PPARGC1A: variants seen among roughly 807,000 people sequenced by gnomAD.
The protein encoded by PPARGC1A is PPARG coactivator 1 alpha, also known as peroxisome proliferator-activated receptor gamma coactivator 1-alpha.
In PPARGC1A, 25 loss-of-function variants were observed where a neutral mutation model predicts 88.7. The ratio of observed to expected loss-of-function variants is 0.28; its 90% confidence interval spans 0.21 to 0.39. The LOEUF (loss-of-function observed/expected upper bound fraction) is 0.39, where lower values mean the gene tolerates loss of function less well. PPARGC1A is among the 10% of genes least tolerant of loss of function. The pLI is 1.00. For missense variants in PPARGC1A, 880 were observed against 968.7 expected (o/e 0.91, Z 1.22); for synonymous variants, 363 against 355.6 (o/e 1.02, Z -0.24).
chr4:24,106,278 C>CT, the PPARGC1A span, among the ~76,000 whole-genome samples: 4 of 152,156 alleles, frequency 2.6e-5, no homozygotes, highest in African/African-American at 9.7e-5. Flanking sequence ...ATTTCCCAGT[C>CT]TTTTTTTCTT....
chr4:24,455,179 C>A, the PPARGC1A span, among the ~76,000 whole-genome samples: 2 of 152,206 alleles, frequency 1.3e-5, no homozygotes, highest in Admixed American at 6.5e-5. Flanking sequence ...CTCTTACCAG[C>A]CATCATTAAA....
At chr4:24,302,655 A>G in the PPARGC1A span, among the ~76,000 whole-genome samples, 4 of 152,192 alleles carry the variant, frequency 2.6e-5, no homozygotes, top group Admixed American at 2.0e-4. Flanking sequence ...TCACTTAGCG[A>G]GTCAGGGGCC....
At chr4:23,854,882 G>T (rs1272190774) in intron 2 of PPARGC1A, among the ~76,000 whole-genome samples, 2 of 152,108 alleles carry the variant, frequency 1.3e-5, no homozygotes, top group African/African-American at 4.8e-5. Flanking sequence ...ATATAAACTA[G>T]GTTGAAATAC....
chr4:23,860,598 T>A (rs766115370), intron 2 of PPARGC1A, among the ~76,000 whole-genome samples: 2 of 152,202 alleles, frequency 1.3e-5, no homozygotes, highest in African/African-American at 4.8e-5. Context: ...AATAATGCTA[T>A]TTAAAATAAG....
the PPARGC1A span, among the ~76,000 whole-genome samples, chr4:24,265,305 T>C: frequency 2.0e-5 from 3 of 152,302 alleles, no homozygotes; most frequent in East Asian, 5.8e-4. Context: ...TTCTCCTTCT[T>C]TTCCTATAAA....
At chr4:24,270,053 A>G in the PPARGC1A span, among the ~76,000 whole-genome samples, 4 of 152,316 alleles carry the variant, frequency 2.6e-5, no homozygotes, top group East Asian at 1.9e-4. Flanking sequence ...CAGTAGACTG[A>G]GTACAGCGTA....
the PPARGC1A span, among the ~76,000 whole-genome samples, chr4:24,411,375 T>G: frequency 1.3e-5 from 2 of 152,232 alleles, no homozygotes; most frequent in Admixed American, 1.3e-4. Flanking sequence ...ATTTTAGAGA[T>G]GTTTTAGGGT....
At chr4:23,853,502 A>T (rs1248625391) in intron 2 of PPARGC1A, among the ~76,000 whole-genome samples, 1 of 152,176 alleles carries the variant, frequency 6.6e-6, no homozygotes, top group Non-Finnish European at 1.5e-5. Flanking sequence ...AGGAATCTCA[A>T]ATTTGGAGAT....
chr4:23,968,769 G>T, the PPARGC1A span, among the ~76,000 whole-genome samples: 1 of 151,998 alleles, frequency 6.6e-6, no homozygotes, highest in African/African-American at 2.4e-5. Flanking sequence ...ACAAAAATTA[G>T]CTGGGTGTGG....
upstream of PPARGC1A, among the ~76,000 whole-genome samples, chr4:23,903,617 A>T (rs770379698): frequency 6.6e-6 from 1 of 152,178 alleles, no homozygotes; most frequent in Non-Finnish European, 1.5e-5. Flanking sequence ...AAGGAGCTAC[A>T]TTTAAAAAGC....
the PPARGC1A span, among the ~76,000 whole-genome samples, chr4:24,154,614 G>A: frequency 1.3e-5 from 2 of 152,112 alleles, no homozygotes; most frequent in African/African-American, 4.8e-5. Flanking sequence ...TTCGAGTCAG[G>A]TGAAGCGCAT....
At chr4:23,870,160 C>A (rs1712989444) in intron 2 of PPARGC1A, among the ~76,000 whole-genome samples, 1 of 152,204 alleles carries the variant, frequency 6.6e-6, no homozygotes, top group African/African-American at 2.4e-5. Flanking sequence ...ATATGCCTCA[C>A]CTATTTCCTC....
intron 2 of PPARGC1A, among the ~76,000 whole-genome samples, chr4:23,862,149 G>A (rs935390122): frequency 1.3e-5 from 2 of 152,160 alleles, no homozygotes; most frequent in African/African-American, 4.8e-5. Flanking sequence ...GTGGTCAGTA[G>A]GGCATGAACT....
intron 4 of PPARGC1A, 71 bp downstream of exon 4, chr4:23,829,392 T>G: frequency 6.6e-7 from 1 of 1,523,668 alleles, no homozygotes; most frequent in Non-Finnish European, 9.1e-7. Context: ...CCTACAAACT[T>G]ATTTGTTTTA....
chr4:24,343,354 A>G, the PPARGC1A span, among the ~76,000 whole-genome samples: 1 of 152,294 alleles, frequency 6.6e-6, no homozygotes, highest in East Asian at 1.9e-4. Context: ...CTACCCATGG[A>G]TGAGATTAGT....
the PPARGC1A span, among the ~76,000 whole-genome samples, chr4:24,376,807 T>C: frequency 6.6e-6 from 1 of 152,168 alleles, no homozygotes; most frequent in African/African-American, 2.4e-5. Flanking sequence ...TTGTTATGTG[T>C]TGTATTTGTA....
chr4:24,024,793 G>A, the PPARGC1A span, among the ~76,000 whole-genome samples: 1 of 152,178 alleles, frequency 6.6e-6, no homozygotes, highest in East Asian at 1.9e-4. Context: ...CAAGGATGGG[G>A]AAGCATTGCC....
the PPARGC1A span, among the ~76,000 whole-genome samples, chr4:24,331,709 C>A: frequency 6.6e-6 from 1 of 151,848 alleles, no homozygotes; most frequent in East Asian, 1.9e-4. Flanking sequence ...AATGTGCAAC[C>A]TTCCACTTCT....
chr4:24,157,503 T>A, the PPARGC1A span, among the ~76,000 whole-genome samples: 1 of 152,146 alleles, frequency 6.6e-6, no homozygotes, highest in South Asian at 2.1e-4. Flanking sequence ...TAACAGTGAT[T>A]TTTTTCTCTG....
Sources: allele counts gnomAD v4.1 joint callset (sites outside exome capture counted in the v4.1 genomes callset), GRCh38; gene constraint gnomAD v4.1.1; transcripts MANE v1.5; gene names NCBI Gene and HGNC (gene_info 2026-07-23, HGNC 2026-07-21).